The following TENM2 variants were observed in gnomAD, a reference collection of about 807,000 sequenced individuals.
TENM2 encodes teneurin-2.
A neutral mutation model predicts 245.2 loss-of-function variants in TENM2; 52 were observed. That is an observed-to-expected ratio of 0.21 (90% CI 0.17 to 0.27). The LOEUF is 0.27. Ranked by LOEUF, TENM2 falls within the 10% of genes least tolerant of loss-of-function variation. TENM2 has a pLI of 1.00. For missense variants in TENM2, 3,046 were observed against 3,666.8 expected (o/e 0.83, Z 4.37); for synonymous variants, 1,363 against 1,438.9 (o/e 0.95, Z 1.19).
Position 167,635,633 on chromosome 5 carries a change from C to CTTT in TENM2, c.503-240326_503-240324dup, listed in dbSNP as rs76155764. On this transcript the variant is annotated intron_variant, in intron 2 of 28. Transcript: ENST00000518659. ...GGAATCTGGCTATGATCAGTACAGT[C>CTTT]TTTTTTTTTTTTTTTTTTTTTTTTT... Among the ~76,000 whole-genome samples, 583 of 74,910 alleles carry CTTT rather than the reference C, an allele frequency of 7.8e-3. 108 individuals carry two copies. Among genetic ancestry groups the CTTT allele is most frequent in the African/African-American group, 0.032 (547 of 16,842 alleles). The allele number at this position is 74,910 out of a possible 152,430, so 49.1% of individuals were successfully genotyped here.
chr5:167,778,978 T>G (rs915194873), intron 2 of TENM2, among the ~76,000 whole-genome samples: 2 of 152,236 alleles, frequency 1.3e-5, no homozygotes, highest in South Asian at 4.1e-4. Context: ...GTAAGCAGCA[T>G]TAACGCATAT....
intron 1 of TENM2, among the ~76,000 whole-genome samples, chr5:167,372,903 T>A (rs1399119371): frequency 1.3e-5 from 2 of 152,202 alleles, no homozygotes; most frequent in Non-Finnish European, 2.9e-5. Context: ...TAAATTTTAA[T>A]GTATAATTAT....
intron 1 of TENM2, among the ~76,000 whole-genome samples, chr5:167,373,731 G>A (rs899931049): frequency 6.6e-6 from 1 of 152,150 alleles, no homozygotes; most frequent in Non-Finnish European, 1.5e-5. Context: ...CAGGTACAGA[G>A]GTGAACCTGG....
the TENM2 span, among the ~76,000 whole-genome samples, chr5:167,078,484 AAACAACAAC>A: frequency 8.4e-4 from 46 of 54,838 alleles, no homozygotes; most frequent in Admixed American, 2.3e-3. Context: ...ACTCTGTCTC[AAACAACAAC>A]AACAACAACA....
chr5:167,318,055 T>A (rs1322334343), intron 1 of TENM2, among the ~76,000 whole-genome samples: 3 of 152,150 alleles, frequency 2.0e-5, no homozygotes, highest in Non-Finnish European at 4.4e-5. Context: ...ACACTCTGAA[T>A]TTTGAAATTG....
chr5:167,137,682 C>G, the TENM2 span, among the ~76,000 whole-genome samples: 4 of 152,142 alleles, frequency 2.6e-5, no homozygotes, highest in African/African-American at 9.7e-5. Flanking sequence ...AACTCCATCC[C>G]TTTTCCTTTC....
At chr5:167,372,400 A>G (rs925041822) in intron 1 of TENM2, among the ~76,000 whole-genome samples, 2 of 152,234 alleles carry the variant, frequency 1.3e-5, no homozygotes, top group African/African-American at 4.8e-5. Context: ...AAGAAGGGGC[A>G]CTGTGTGTAC....
At chr5:167,902,456 A>T (rs10054737) in intron 3 of TENM2, among the ~76,000 whole-genome samples, 64,868 of 151,936 alleles carry the variant, frequency 0.43, 18,198 homozygotes, top group African/African-American at 0.81. Flanking sequence ...TTCAAGGCCA[A>T]TCCAGCCTCC....
At chr5:167,038,816 T>C in the TENM2 span, among the ~76,000 whole-genome samples, 38 of 152,318 alleles carry the variant, frequency 2.5e-4, no homozygotes, top group Non-Finnish European at 4.6e-4. Flanking sequence ...GTGAAACAGC[T>C]TGGAATCTCC....
At chr5:168,118,540 C>A in intron 10 of TENM2, 54 bp downstream of exon 12, 20 of 1,406,624 alleles carry the variant, frequency 1.4e-5, no homozygotes, top group Non-Finnish European at 1.9e-5. Context: ...GTTTGCAGGG[C>A]CTGACCTTTG....
At chr5:167,273,441 A>G in the TENM2 span, among the ~76,000 whole-genome samples, 1 of 152,274 alleles carries the variant, frequency 6.6e-6, no homozygotes, top group East Asian at 1.9e-4. Flanking sequence ...CTAAACTTGC[A>G]TTTCCCCACA....
chr5:167,352,466 T>C (rs1314950974), intron 1 of TENM2, among the ~76,000 whole-genome samples: 1 of 152,248 alleles, frequency 6.6e-6, no homozygotes, highest in Admixed American at 6.5e-5. Flanking sequence ...TTCAATCTAT[T>C]TTGCATAGAA....
chr5:168,107,505 C>T (rs1581326179), intron 9 of TENM2, among the ~76,000 whole-genome samples: 1 of 152,100 alleles, frequency 6.6e-6, no homozygotes, highest in African/African-American at 2.4e-5. Context: ...GCCAATCTGA[C>T]TTGTAGGACT....
At chr5:168,172,683 C>G (rs572767939) in intron 13 of TENM2, among the ~76,000 whole-genome samples, 1 of 152,194 alleles carries the variant, frequency 6.6e-6, no homozygotes, top group African/African-American at 2.4e-5. Flanking sequence ...TTGCAGCATG[C>G]TTAAAAATAC....
chr5:167,474,020 C>A (rs539999018), intron 2 of TENM2, among the ~76,000 whole-genome samples: 1 of 152,194 alleles, frequency 6.6e-6, no homozygotes, highest in Non-Finnish European at 1.5e-5. Flanking sequence ...TTTTTCCTAG[C>A]AGGATTTATG....
chr5:168,065,425 A>T (rs1413087310), intron 7 of TENM2, among the ~76,000 whole-genome samples: 1 of 152,132 alleles, frequency 6.6e-6, no homozygotes, highest in Non-Finnish European at 1.5e-5. Flanking sequence ...TCTTAACTTC[A>T]GTTTCCTTTT....
the TENM2 span, among the ~76,000 whole-genome samples, chr5:167,034,379 C>G: frequency 6.6e-6 from 1 of 151,928 alleles, no homozygotes; most frequent in African/African-American, 2.4e-5. Context: ...GCCTGTAATC[C>G]CAGCACTTTG....
At chr5:167,336,176 C>CTTTTTTTTT (rs35059289) in intron 1 of TENM2, among the ~76,000 whole-genome samples, 3 of 83,090 alleles carry the variant, frequency 3.6e-5, no homozygotes, top group Non-Finnish European at 6.7e-5. Flanking sequence ...TTCATTTCTC[C>CTTTTTTTTT]TTTTTTTTTT....
At chr5:167,943,991 AT>A (rs1421867585) in intron 3 of TENM2, among the ~76,000 whole-genome samples, 1 of 152,086 alleles carries the variant, frequency 6.6e-6, no homozygotes, top group East Asian at 1.9e-4. Flanking sequence ...GGTCTTTTTT[AT>A]TTTGTCTTTG....
Sources: gnomAD v4.1 joint callset for allele counts (sites outside exome capture counted in the v4.1 genomes callset) on GRCh38, gnomAD v4.1.1 for gene constraint, MANE v1.5 for transcripts, NCBI Gene and HGNC (gene_info 2026-07-23, HGNC 2026-07-21) for gene names.